Variants in GABRR1 observed in about 807,000 individuals in gnomAD.
GABRR1 encodes gamma-aminobutyric acid receptor subunit rho-1.
GABRR1 carries 59 observed loss-of-function variants against 55.5 expected under a neutral mutation model. The observed-to-expected ratio is 1.06, with a 90% CI of 0.86 to 1.32. The LOEUF (loss-of-function observed/expected upper bound fraction) is 1.32, where lower values mean the gene tolerates loss of function less well. GABRR1 is among the 40% of genes most tolerant of loss of function. The pLI is 0.00. For missense variants in GABRR1, 602 were observed against 619.1 expected, an observed-to-expected ratio of 0.97 and a Z score of 0.29; for synonymous variants, 213 against 226.0, an observed-to-expected ratio of 0.94 and a Z score of 0.51.
chr6:89,178,488 G>A lies in GABRR1; in HGVS notation c.*282C>T. On this transcript the variant is annotated 3_prime_UTR_variant, in exon 10 of 10. Transcript: ENST00000454853. ...AATGTGCCCACAACACTGGTAGTGT[G>A]CTTTTCCAGGGGATCTGGGTAACAA... The A allele has an allele frequency of 4.6e-6, 2 of 432,428 alleles. No individual in the cohort carries two copies. The highest frequency in any genetic ancestry group is 4.8e-5 in the South Asian group (2 of 41,442). The allele number at this position is 432,428 out of a possible 1,614,324, so 26.8% of individuals were successfully genotyped here. A position where few individuals can be genotyped will look rare whatever the true frequency, so the allele number is the denominator to read the frequency against.
intron 1 of GABRR1, among the ~76,000 whole-genome samples, chr6:89,216,617 A>G (rs556200165): frequency 6.6e-6 from 1 of 152,326 alleles, no homozygotes; most frequent in South Asian, 2.1e-4. Context: ...GCTGGCAGAC[A>G]GGGCACCATG....
chr6:89,197,875 T>G, intron 5 of GABRR1, 145 bp downstream of exon 5: 1 of 648,802 alleles, frequency 1.5e-6, no homozygotes, highest in East Asian at 2.7e-5. Flanking sequence ...TTTCTACTCA[T>G]GTATAAAGTT....
upstream of GABRR1, among the ~76,000 whole-genome samples, chr6:89,218,909 G>A (rs1773068358): frequency 6.6e-6 from 1 of 151,988 alleles, no homozygotes; most frequent in South Asian, 2.1e-4. Flanking sequence ...AAATCTATAG[G>A]TACTGCAGGT....
chr6:89,211,878 C>T (rs547653435), intron 1 of GABRR1, among the ~76,000 whole-genome samples: 94 of 152,290 alleles, frequency 6.2e-4, no homozygotes, highest in African/African-American at 2.2e-3. Context: ...TTAAATGCTG[C>T]TCTTCCCCAA....
intron 1 of GABRR1, among the ~76,000 whole-genome samples, chr6:89,203,792 A>G (rs1034344243): frequency 7.2e-5 from 11 of 152,142 alleles, no homozygotes; most frequent in Non-Finnish European, 1.2e-4. Flanking sequence ...GCTCTTAAGG[A>G]TGTGTACACT....
At chr6:89,184,430 A>AG (rs1017190905) in intron 7 of GABRR1, among the ~76,000 whole-genome samples, 2 of 151,868 alleles carry the variant, frequency 1.3e-5, no homozygotes, top group African/African-American at 4.8e-5. Flanking sequence ...AGGCAACAGG[A>AG]GGGGGTGAGC....
At chr6:89,182,196 T>G (rs1369519767) in intron 7 of GABRR1, 139 bp from the exon 8 acceptor site, 51 of 771,506 alleles carry the variant, frequency 6.6e-5, no homozygotes, top group Non-Finnish European at 9.9e-5. Flanking sequence ...AGAGAAATCA[T>G]GAAACAAAGT....
intron 1 of GABRR1, among the ~76,000 whole-genome samples, chr6:89,216,027 A>T (rs1772969291): frequency 1.3e-5 from 2 of 152,172 alleles, no homozygotes; most frequent in Non-Finnish European, 2.9e-5. Flanking sequence ...ACCAATCCAC[A>T]AGTTCCAGTG....
chr6:89,178,399 A>G lies in GABRR1; in HGVS notation c.*371T>C, dbSNP rs1771606165. On this transcript the variant is annotated 3_prime_UTR_variant, in exon 10 of 10. Coordinates refer to ENST00000454853, the MANE Select transcript of GABRR1 (RefSeq NM_002042.5). ...CAAGTTCACGTAGCCTGAACAATGT[A>G]ATGACACTTGAGGAAAATAAATTAT... is the stretch of plus-strand genomic sequence containing the variant. 1 of 245,430 alleles carries G rather than the reference A, an allele frequency of 4.1e-6. No individual in the cohort carries two copies. Among genetic ancestry groups the G allele is most frequent in the Non-Finnish European group, 7.9e-6 (1 of 125,900 alleles). 15.2% of individuals were successfully genotyped at this position (245,430 alleles called of 1,614,324 possible).
In GABRR1 at chr6:89,178,791, T is replaced by C; in HGVS notation, c.1419A>G (p.Ile473Met). 6.2e-7 allele frequency: 1 copy of C among 1,613,668 alleles called. No homozygotes were observed. Among genetic ancestry groups the C allele is most frequent in the Non-Finnish European group, 8.5e-7 (1 of 1,179,566 alleles). Residue 473 changes from isoleucine to methionine, a missense_variant, in exon 10 of 10, where the codon ATA becomes ATG. Transcript: ENST00000454853. ...FPAAYILFNL[I>M]YWSIFS ...GCATCTAGGAGAAAATAGACCAGTA[T>C]ATTAAATTGAATAAAATGTATGCTG... is the stretch of plus-strand genomic sequence containing the variant.
chr6:89,203,997 C>A (rs1772564648), intron 1 of GABRR1, among the ~76,000 whole-genome samples: 1 of 152,212 alleles, frequency 6.6e-6, no homozygotes, highest in Admixed American at 6.5e-5. Flanking sequence ...GATGCCAGGA[C>A]TAGCAATGCC....
chr6:89,199,240 T>C (rs1042741086), intron 4 of GABRR1, 122 bp downstream of exon 4: 3 of 816,438 alleles, frequency 3.7e-6, no homozygotes, highest in East Asian at 2.7e-5. Flanking sequence ...GAAAAAGTAG[T>C]GTGGGGATTC....
chr6:89,191,476 G>A (rs1461998996), intron 5 of GABRR1, among the ~76,000 whole-genome samples: 5 of 152,190 alleles, frequency 3.3e-5, no homozygotes, highest in Non-Finnish European at 2.9e-5. Context: ...GAAATGTTTT[G>A]CTACGAACAA....
At chr6:89,191,290 G>A (rs545986342) in intron 5 of GABRR1, among the ~76,000 whole-genome samples, 1 of 152,270 alleles carries the variant, frequency 6.6e-6, no homozygotes, top group Non-Finnish European at 1.5e-5. Context: ...AGAGTGCAGA[G>A]GTCGAGGTGG....
At chr6:89,204,063 G>A (rs1307087348) in intron 1 of GABRR1, among the ~76,000 whole-genome samples, 2 of 152,196 alleles carry the variant, frequency 1.3e-5, no homozygotes, top group Non-Finnish European at 2.9e-5. Context: ...TCCAATAATA[G>A]TTAATATTTC....
intron 1 of GABRR1, among the ~76,000 whole-genome samples, chr6:89,225,260 CT>C (rs142038772): frequency 0.24 from 33,371 of 137,524 alleles, 4,098 homozygotes; most frequent in Admixed American, 0.34. Context: ...TTTCTGTTTG[CT>C]TTTTTTTTTT....
upstream of GABRR1, among the ~76,000 whole-genome samples, chr6:89,218,639 C>G (rs1367556810): frequency 2.6e-5 from 4 of 152,202 alleles, no homozygotes; most frequent in African/African-American, 2.4e-5. Context: ...CAAAATACAA[C>G]TGGAAGCATC....
chr6:89,219,366 G>A (rs1410009242), upstream of GABRR1, among the ~76,000 whole-genome samples: 4 of 152,174 alleles, frequency 2.6e-5, no homozygotes, highest in African/African-American at 7.2e-5. Context: ...ATTCAACACC[G>A]TATGGCTCTA....
At chr6:89,222,535 A>G (rs1211406364) in intron 1 of GABRR1, among the ~76,000 whole-genome samples, 1 of 152,184 alleles carries the variant, frequency 6.6e-6, no homozygotes, top group Admixed American at 6.5e-5. Context: ...TGTGCTTCCA[A>G]AGGAACCACC....
Sources: allele counts gnomAD v4.1 joint callset (sites outside exome capture counted in the v4.1 genomes callset), GRCh38; gene constraint gnomAD v4.1.1; transcripts MANE v1.5; gene names NCBI Gene and HGNC (gene_info 2026-07-23, HGNC 2026-07-21).